DNAAF4: variants seen among roughly 807,000 people sequenced by gnomAD.
DNAAF4 encodes dynein assembly factor 4, axonemal.
Under a neutral mutation model 51.8 loss-of-function variants are expected in DNAAF4, and 43 were observed. The ratio of observed to expected loss-of-function variants is 0.83; its 90% CI spans 0.65 to 1.07. The LOEUF is 1.07. Among genes scored for constraint, DNAAF4 ranks in the 50% least tolerant of loss-of-function variants. DNAAF4 has a pLI of 0.00. For synonymous variants in DNAAF4, 194 were observed against 165.6 expected, an observed-to-expected ratio of 1.17 and a Z score of -1.32; for missense variants, 581 against 493.0, an observed-to-expected ratio of 1.18 and a Z score of -1.69.
At chr15:55,476,719 T>A (rs2058339642) in intron 4 of DNAAF4, among the ~76,000 whole-genome samples, 1 of 152,196 alleles carries the variant, frequency 6.6e-6, no homozygotes, top group South Asian at 2.1e-4. Context: ...ACAAATATTG[T>A]ATAATTCCAC....
intron 3 of DNAAF4, among the ~76,000 whole-genome samples, chr15:55,492,565 G>T (rs1314390751): frequency 6.6e-6 from 1 of 150,844 alleles, no homozygotes; most frequent in African/African-American, 2.4e-5. Flanking sequence ...TTTTGAGCCG[G>T]AGTCTTGCTC....
chr15:55,418,222 G>A, intron 7 of DNAAF4: 1 of 1,571,368 alleles, frequency 6.4e-7, no homozygotes, highest in South Asian at 1.2e-5. Context: ...TTATCTTTTA[G>A]GATAAGAAAA....
chr15:55,436,784 G>A (rs1016130488), intron 7 of DNAAF4, among the ~76,000 whole-genome samples: 1 of 152,122 alleles, frequency 6.6e-6, no homozygotes, highest in African/African-American at 2.4e-5. Flanking sequence ...CTCTCAAAGT[G>A]CTGGGATTAC....
intron 1 of DNAAF4, among the ~76,000 whole-genome samples, chr15:55,506,851 TTTTC>T: frequency 6.6e-6 from 1 of 152,062 alleles, no homozygotes; most frequent in East Asian, 1.9e-4. Context: ...ACTTTTTTAT[TTTTC>T]TTTTTTCTTT....
At chr15:55,475,398 T>C (rs868275354) in intron 4 of DNAAF4, among the ~76,000 whole-genome samples, 1 of 152,214 alleles carries the variant, frequency 6.6e-6, no homozygotes, top group South Asian at 2.1e-4. Flanking sequence ...GTTCTAAGTA[T>C]GAAAGGTAAG....
chr15:55,442,511 C>T (rs1445968005), intron 6 of DNAAF4: 13 of 748,502 alleles, frequency 1.7e-5, no homozygotes, highest in Non-Finnish European at 2.6e-5. Context: ...AAGGCTGTTT[C>T]GGAAGGTCAC....
chr15:55,473,206 T>C (rs1474172797), intron 4 of DNAAF4, among the ~76,000 whole-genome samples: 1 of 102,438 alleles, frequency 9.8e-6, no homozygotes, highest in African/African-American at 3.4e-5. Flanking sequence ...AAAATATATA[T>C]ATATATATAT....
intron 4 of DNAAF4, among the ~76,000 whole-genome samples, chr15:55,478,583 A>C (rs1028010393): frequency 3.9e-5 from 6 of 152,200 alleles, no homozygotes; most frequent in African/African-American, 1.2e-4. Context: ...CTGAAGTCAA[A>C]CACACTGCTA....
intron 5 of DNAAF4, among the ~76,000 whole-genome samples, chr15:55,460,534 C>A (rs550122059): frequency 1.3e-5 from 2 of 151,988 alleles, no homozygotes. Context: ...TGAGATAGCA[C>A]CACAATAATA....
At chr15:55,441,813 T>A (rs989865871) in intron 6 of DNAAF4, among the ~76,000 whole-genome samples, 3 of 152,210 alleles carry the variant, frequency 2.0e-5, no homozygotes, top group Non-Finnish European at 4.4e-5. Flanking sequence ...CTTTTTTAAA[T>A]GGCACAGTGG....
At chr15:55,498,838 G>A (rs1285363475) in intron 1 of DNAAF4, among the ~76,000 whole-genome samples, 6 of 151,016 alleles carry the variant, frequency 4.0e-5, no homozygotes, top group Non-Finnish European at 8.8e-5. Flanking sequence ...TTGAACCCGG[G>A]AGGCAGGGGT....
chr15:55,488,824 C>G (rs1419989023), intron 4 of DNAAF4, among the ~76,000 whole-genome samples: 1 of 152,162 alleles, frequency 6.6e-6, no homozygotes, highest in East Asian at 1.9e-4. Context: ...TGCGGCAGCT[C>G]ACACCTGTAA....
chr15:55,499,800 A>C (rs2058684328), intron 1 of DNAAF4, among the ~76,000 whole-genome samples: 1 of 152,244 alleles, frequency 6.6e-6, no homozygotes. Flanking sequence ...GAGAAGCTTG[A>C]AGATTATGTA....
Position 55,498,394 on chromosome 15 carries a change from A to C in DNAAF4, c.-65T>G. On this transcript the variant is annotated 5_prime_UTR_variant, in exon 2 of 10. Coordinates refer to ENST00000321149, the MANE Select transcript of DNAAF4 (RefSeq NM_130810.4). ...CTTGCGCCTGCTTGGTTGCTAGGGAAGCTGGGGTTACCATGCGCCAGCCCT... is the reference window on the plus strand; with the variant it reads ...CTTGCGCCTGCTTGGTTGCTAGGGACGCTGGGGTTACCATGCGCCAGCCCT... 1 of 1,564,380 alleles carries C rather than the reference A, an allele frequency of 6.4e-7. No homozygotes were observed. Among genetic ancestry groups the C allele is most frequent in the Non-Finnish European group, 8.7e-7 (1 of 1,153,486 alleles).
At chr15:55,439,233 T>C (rs1312450097) in intron 7 of DNAAF4, among the ~76,000 whole-genome samples, 3 of 152,204 alleles carry the variant, frequency 2.0e-5, no homozygotes, top group Admixed American at 6.5e-5. Flanking sequence ...TCTGAGTAGC[T>C]GGGACTACAG....
chr15:55,478,985 T>C (rs984144060), intron 4 of DNAAF4, among the ~76,000 whole-genome samples: 6 of 152,064 alleles, frequency 3.9e-5, no homozygotes, highest in African/African-American at 1.4e-4. Context: ...GACTGCATCA[T>C]TTAGAAAACT....
intron 8 of DNAAF4, among the ~76,000 whole-genome samples, chr15:55,433,395 G>C (rs1027252564): frequency 2.6e-5 from 4 of 152,094 alleles, no homozygotes; most frequent in African/African-American, 9.7e-5. Flanking sequence ...CGGAGGCCCA[G>C]GCGGGCGGAT....
intron 9 of DNAAF4, 97 bp from the exon 10 acceptor site, chr15:55,430,876 T>C (rs1224258121): frequency 1.8e-5 from 18 of 983,044 alleles, no homozygotes; most frequent in Non-Finnish European, 2.6e-5. Flanking sequence ...TAATCACTAG[T>C]AGCATGGTTC....
chr15:55,429,212 A>T (rs535664512), downstream of DNAAF4, among the ~76,000 whole-genome samples: 203 of 151,496 alleles, frequency 1.3e-3, no homozygotes, highest in African/African-American at 4.8e-3. Context: ...ACAGAGCCAG[A>T]CTACATCTCA....
Sources: gnomAD v4.1 joint callset for allele counts (sites outside exome capture counted in the v4.1 genomes callset) on GRCh38, gnomAD v4.1.1 for gene constraint, MANE v1.5 for transcripts, NCBI Gene and HGNC (gene_info 2026-07-23, HGNC 2026-07-21) for gene names.